FERMT2: variants seen among roughly 807,000 people sequenced by gnomAD.
FERMT2 encodes the protein FERM domain containing kindlin 2.
A neutral mutation model predicts 82.7 loss-of-function variants in FERMT2; 15 were observed. The ratio of observed to expected loss-of-function variants is 0.18; its 90% confidence interval spans 0.12 to 0.28. FERMT2 has a LOEUF of 0.28. Ranked by LOEUF, FERMT2 falls within the 10% of genes least tolerant of loss-of-function variation. FERMT2 has a pLI of 1.00. For synonymous variants in FERMT2, 274 were observed against 271.5 expected (o/e 1.01, Z -0.09); for missense variants, 645 against 809.4 (o/e 0.80, Z 2.46).
intron 2 of FERMT2, among the ~76,000 whole-genome samples, chr14:52,921,961 C>T (rs1888978317): frequency 6.6e-6 from 1 of 152,008 alleles, no homozygotes; most frequent in Non-Finnish European, 1.5e-5. Context: ...CATATACTCC[C>T]CGTGGGGAGG....
At position 52,875,268 on chromosome 14, in the gene FERMT2, T is replaced by C. The variant is rs1054741120; in HGVS notation, c.1053A>G (p.Ser351=). The C allele has an allele frequency of 6.2e-7, 1 of 1,613,466 alleles. No homozygotes were observed. Among genetic ancestry groups the C allele is most frequent in the Non-Finnish European group, 8.5e-7 (1 of 1,179,676 alleles). ...KEVDEVDAAL[S]DLEITLEGGK... ...CCCCTTCCAGAGTAATCTCCAGGTC[T>C]GAAAGGGCAGCATCAACTTCATCAA... The change falls in exon 8 of 15, where the codon TCA becomes TCG. Residue 351 remains serine (S), a synonymous_variant. Coordinates refer to ENST00000341590, the MANE Select transcript of FERMT2 (RefSeq NM_006832.3).
chr14:52,861,053 G>A, intron 12 of FERMT2: 1 of 1,492,404 alleles, frequency 6.7e-7, no homozygotes. Flanking sequence ...GGCAATGCGA[G>A]GAAAGAAAAA....
At chr14:52,875,101 TTCTC>T in intron 8 of FERMT2, 118 bp downstream of exon 8, 1 of 829,610 alleles carries the variant, frequency 1.2e-6, no homozygotes. Context: ...AACATCTGAT[TTCTC>T]TCTCTAAAGC....
chr14:52,873,144 G>A (rs1885734855), intron 9 of FERMT2, among the ~76,000 whole-genome samples: 1 of 152,172 alleles, frequency 6.6e-6, no homozygotes, highest in Admixed American at 6.5e-5. Context: ...GCGTTCCGAG[G>A]AGAAAGGCAG....
intron 2 of FERMT2, among the ~76,000 whole-genome samples, chr14:52,942,983 T>A (rs1007392906): frequency 6.6e-6 from 1 of 151,858 alleles, no homozygotes; most frequent in Non-Finnish European, 1.5e-5. Context: ...GAGGCCGAGG[T>A]GGGCGGATCG....
intron 3 of FERMT2, among the ~76,000 whole-genome samples, chr14:52,899,450 G>A (rs892005155): frequency 2.0e-5 from 3 of 151,928 alleles, no homozygotes; most frequent in African/African-American, 7.2e-5. Context: ...ACCCAGCTAA[G>A]TTTTTGTATT....
chr14:52,902,892 C>CAAAAAAAACAAA (rs1355070805), intron 3 of FERMT2, among the ~76,000 whole-genome samples: 1 of 36,756 alleles, frequency 2.7e-5, no homozygotes, highest in African/African-American at 9.0e-5. Flanking sequence ...AAAAAAAAAA[C>CAAAAAAAACAAA]CCCAAAACAC....
At chr14:52,937,181 T>C (rs1020403694) in intron 2 of FERMT2, among the ~76,000 whole-genome samples, 1 of 151,800 alleles carries the variant, frequency 6.6e-6, no homozygotes, top group African/African-American at 2.4e-5. Context: ...ATAATAATAA[T>C]GATAATAATA....
At chr14:52,934,193 C>T (rs1889730234) in intron 2 of FERMT2, among the ~76,000 whole-genome samples, 2 of 152,174 alleles carry the variant, frequency 1.3e-5, no homozygotes, top group African/African-American at 4.8e-5. Context: ...GCATGTAAAG[C>T]AATCTTAATA....
At chr14:52,950,368 A>G in intron 2 of FERMT2, 44 bp downstream of exon 2, 4 of 1,592,992 alleles carry the variant, frequency 2.5e-6, no homozygotes, top group Non-Finnish European at 3.4e-6. Context: ...CCCCCTACCA[A>G]TTCTGGGAAG....
At chr14:52,905,112 C>T (rs1205332273) in intron 3 of FERMT2, among the ~76,000 whole-genome samples, 5 of 149,130 alleles carry the variant, frequency 3.4e-5, no homozygotes, top group East Asian at 2.0e-4. Flanking sequence ...TCGCTTGAAC[C>T]GGGGAGGCAG....
intron 2 of FERMT2, chr14:52,928,005 G>A: frequency 2.6e-6 from 1 of 383,786 alleles, no homozygotes; most frequent in South Asian, 1.9e-5. Context: ...AAAGAAAGTT[G>A]ATCAAATAAC....
intron 9 of FERMT2, among the ~76,000 whole-genome samples, chr14:52,873,889 G>A (rs1428336357): frequency 6.6e-6 from 1 of 152,050 alleles, no homozygotes; most frequent in East Asian, 1.9e-4. Flanking sequence ...GCCCGGAGGG[G>A]CTGTGCCACT....
intron 8 of FERMT2, among the ~76,000 whole-genome samples, chr14:52,874,938 T>C (rs1425955102): frequency 6.6e-6 from 1 of 152,072 alleles, no homozygotes; most frequent in South Asian, 2.1e-4. Flanking sequence ...GGTTGTAGTC[T>C]CAGCTACTCA....
chr14:52,872,373 T>A (rs1307605482), intron 10 of FERMT2, among the ~76,000 whole-genome samples: 3 of 151,924 alleles, frequency 2.0e-5, no homozygotes, highest in African/African-American at 7.3e-5. Context: ...CTGGCCAACA[T>A]GACGAAACCT....
At chr14:52,923,648 G>C (rs897703212) in intron 2 of FERMT2, among the ~76,000 whole-genome samples, 1 of 151,250 alleles carries the variant, frequency 6.6e-6, no homozygotes, top group Non-Finnish European at 1.5e-5. Context: ...CAAGAGAAGG[G>C]GATAGGATCC....
chr14:52,882,329 C>G (rs1886346504), intron 4 of FERMT2, among the ~76,000 whole-genome samples: 1 of 151,970 alleles, frequency 6.6e-6, no homozygotes, highest in African/African-American at 2.4e-5. Context: ...ATTTAATAGT[C>G]AAATCTCAAA....
chr14:52,892,065 G>C (rs1361055330), intron 4 of FERMT2, among the ~76,000 whole-genome samples: 1 of 151,906 alleles, frequency 6.6e-6, no homozygotes, highest in Non-Finnish European at 1.5e-5. Context: ...AGTAATGAAA[G>C]GGAATCTAAG....
intron 3 of FERMT2, among the ~76,000 whole-genome samples, chr14:52,896,999 A>AACACACACACACACACACACAC (rs57945447): frequency 5.1e-5 from 7 of 137,088 alleles, no homozygotes; most frequent in African/African-American, 2.0e-4. Context: ...AAACAAATAA[A>AACACACACACACACACACACAC]ACACACACAC....
Sources: gnomAD v4.1 joint callset for allele counts (sites outside exome capture counted in the v4.1 genomes callset) on GRCh38, gnomAD v4.1.1 for gene constraint, MANE v1.5 for transcripts, NCBI Gene and HGNC (gene_info 2026-07-23, HGNC 2026-07-21) for gene names.